The following SAXO1 variants were observed in gnomAD, a reference collection of about 807,000 sequenced individuals.
SAXO1 encodes 4930500O09Rik.
SAXO1 carries 21 observed loss-of-function variants against 17.5 expected under a neutral mutation model. The observed-to-expected ratio is 1.20, with a 90% confidence interval of 0.85 to 1.72. The LOEUF is 1.72. SAXO1 is among the 40% of genes most tolerant of loss of function. The pLI is 0.00. For missense variants in SAXO1, 843 were observed against 596.0 expected, an observed-to-expected ratio of 1.41 and a Z score of -4.32; for synonymous variants, 274 against 216.5, an observed-to-expected ratio of 1.27 and a Z score of -2.33.
intron 1 of SAXO1, among the ~76,000 whole-genome samples, chr9:18,966,999 C>T (rs1832745413): frequency 6.6e-6 from 1 of 152,190 alleles, no homozygotes; most frequent in South Asian, 2.1e-4. Context: ...AATAGTCAAG[C>T]CCCTCTTCTG....
At chr9:19,043,882 C>T (rs535044701) in intron 1 of SAXO1, among the ~76,000 whole-genome samples, 3 of 152,262 alleles carry the variant, frequency 2.0e-5, no homozygotes, top group East Asian at 3.9e-4. Context: ...CAGTGACTCA[C>T]GCCTATAATC....
rs1835820602 is a variant in SAXO1 at position 19,032,758 on chromosome 9, G to C, written c.38+113C>G. ...AATTGTGGCTTAAAAAACGTAGCAA[G>C]TGGACGAACCCACCGTGATGCCGCC... On this transcript the variant is annotated intron_variant, in intron 1 of 3. Coordinates refer to ENST00000380534, the MANE Select transcript of SAXO1 (RefSeq NM_153707.4). 2.6e-6 allele frequency: 3 copies of C among 1,168,638 alleles called. No homozygotes were observed. In the African/African-American group the frequency reaches 4.6e-5, roughly 18 times the overall value. 72.4% of individuals were successfully genotyped at this position (1,168,638 alleles called of 1,614,324 possible). A position where few individuals can be genotyped will look rare whatever the true frequency, so the allele number is the denominator to read the frequency against.
intron 1 of SAXO1, among the ~76,000 whole-genome samples, chr9:19,025,774 T>C (rs1414411780): frequency 6.6e-6 from 1 of 152,216 alleles, no homozygotes; most frequent in Non-Finnish European, 1.5e-5. Flanking sequence ...ATCCCTTCAT[T>C]AACAATTTTT....
chr9:18,948,253 C>T (rs1046010050), intron 2 of SAXO1, among the ~76,000 whole-genome samples: 1 of 152,150 alleles, frequency 6.6e-6, no homozygotes, highest in Non-Finnish European at 1.5e-5. Context: ...TCATGGCAGG[C>T]ACAGGGTTGA....
chr9:18,963,317 G>A (rs1409047369), intron 1 of SAXO1, among the ~76,000 whole-genome samples: 2 of 152,156 alleles, frequency 1.3e-5, no homozygotes, highest in Non-Finnish European at 2.9e-5. Context: ...GAAATTTAAA[G>A]TCGTTTTTTC....
At chr9:19,000,431 G>C (rs1439428296) in intron 1 of SAXO1, among the ~76,000 whole-genome samples, 2 of 152,034 alleles carry the variant, frequency 1.3e-5, no homozygotes, top group East Asian at 3.9e-4. Flanking sequence ...GGGAAGTGAG[G>C]AATGCCTCTG....
At chr9:19,046,576 C>T (rs1158795145) in intron 1 of SAXO1, among the ~76,000 whole-genome samples, 1 of 152,122 alleles carries the variant, frequency 6.6e-6, no homozygotes, top group Non-Finnish European at 1.5e-5. Flanking sequence ...GTGGCACATG[C>T]CTGCAATCCC....
Position 18,951,351 on chromosome 9 carries a change from G to C in SAXO1, c.39-414C>G, listed in dbSNP as rs901160251. On this transcript the variant is annotated intron_variant, in intron 1 of 3. Transcript: ENST00000380534. ...TACTGACCTAACAGGGTGCTCCAAG[G>C]CTCTCCAATAGGGCCAGCCAGTGTC... is the stretch of plus-strand genomic sequence containing the variant. Among the ~76,000 whole-genome samples, 27 of 152,136 alleles carry C rather than the reference G, an allele frequency of 1.8e-4. 1 individual carries two copies. The highest frequency in any genetic ancestry group is 8.8e-5 in the Non-Finnish European group (6 of 68,020).
At chr9:18,982,121 A>G (rs1378752521) in intron 1 of SAXO1, among the ~76,000 whole-genome samples, 2 of 152,198 alleles carry the variant, frequency 1.3e-5, no homozygotes, top group Non-Finnish European at 2.9e-5. Context: ...GGTGACCTGC[A>G]GGATAGGAAC....
intron 1 of SAXO1, among the ~76,000 whole-genome samples, chr9:18,982,149 A>C (rs1483476524): frequency 1.3e-5 from 2 of 152,200 alleles, no homozygotes; most frequent in Non-Finnish European, 2.9e-5. Context: ...CCCTCCACCC[A>C]GCTCAGCCAA....
intron 1 of SAXO1, among the ~76,000 whole-genome samples, chr9:19,008,533 GGA>G (rs933869331): frequency 6.6e-6 from 1 of 152,146 alleles, no homozygotes; most frequent in African/African-American, 2.4e-5. Context: ...GAACAGGGGA[GGA>G]GAGAGGCTTG....
At chr9:18,958,861 C>T (rs59351080) in intron 1 of SAXO1, among the ~76,000 whole-genome samples, 1 of 151,358 alleles carries the variant, frequency 6.6e-6, no homozygotes, top group African/African-American at 2.4e-5. Flanking sequence ...TGAAGTTGCT[C>T]GAAGAGAAGA....
At chr9:19,047,899 G>A (rs78682917) in intron 1 of SAXO1, among the ~76,000 whole-genome samples, 18 of 152,102 alleles carry the variant, frequency 1.2e-4, no homozygotes, top group African/African-American at 4.3e-4. Flanking sequence ...TCGAAAGAAC[G>A]GGGAAGGGAA....
chr9:18,993,106 A>T (rs1055394927), intron 1 of SAXO1, among the ~76,000 whole-genome samples: 1 of 145,830 alleles, frequency 6.9e-6, no homozygotes, highest in African/African-American at 2.5e-5. Context: ...AGCCAGAACA[A>T]TTTTTTTTTT....
Position 19,032,881 on chromosome 9 carries a change from A to G in SAXO1, c.28T>C (p.Cys10Arg), listed in dbSNP as rs1269486216. ...GCGTGGCCACCTTACCCGCAGGAGCACAGTTCACAGATGCACTTCGTCTTC... is the reference window on the plus strand; with the variant it reads ...GCGTGGCCACCTTACCCGCAGGAGCGCAGTTCACAGATGCACTTCGTCTTC... MKTKCICELCSCGRHHCPHL... is the reference protein window; with the variant it reads MKTKCICELRSCGRHHCPHL... The change falls in exon 1 of 4, where the codon TGC becomes CGC. Residue 10 changes from cysteine (C) to arginine (R), a missense_variant. Transcript: ENST00000380534. The G allele has an allele frequency of 6.2e-7, 1 of 1,610,802 alleles. No individual in the cohort carries two copies. Among genetic ancestry groups the G allele is most frequent in the South Asian group, 1.1e-5 (1 of 90,896 alleles).
chr9:19,015,436 C>T (rs965515221), intron 1 of SAXO1, among the ~76,000 whole-genome samples: 1 of 152,136 alleles, frequency 6.6e-6, no homozygotes, highest in Non-Finnish European at 1.5e-5. Context: ...CTCCGCCTCC[C>T]GGATTCAAGT....
At position 18,990,710 on chromosome 9, in the gene SAXO1, T is replaced by C. The variant is rs183268860; in HGVS notation, c.39-39773A>G. On this transcript the variant is annotated intron_variant, in intron 1 of 3. Transcript: ENST00000380534. ...TTACAGCCACTCCCCATTGCTCACA[T>C]TACCACCTGAGCTCTGCCTCTTGTC... 3.3e-4 allele frequency among the ~76,000 whole-genome samples: 50 copies of C among 152,292 alleles called. 2 individuals are homozygous for C. The highest frequency in any genetic ancestry group is 3.4e-3 in the Middle Eastern group (1 of 294).
chr9:18,960,479 T>C (rs908615866), intron 1 of SAXO1, among the ~76,000 whole-genome samples: 1 of 152,052 alleles, frequency 6.6e-6, no homozygotes, highest in African/African-American at 2.4e-5. Flanking sequence ...CTGGACCCCC[T>C]GTCAGGTCCA....
intron 1 of SAXO1, among the ~76,000 whole-genome samples, chr9:18,996,758 C>T (rs1834020537): frequency 6.6e-6 from 1 of 152,010 alleles, no homozygotes; most frequent in Non-Finnish European, 1.5e-5. Context: ...AAACTGAAAA[C>T]TTTTTCCCTA....
Sources: allele counts gnomAD v4.1 joint callset (sites outside exome capture counted in the v4.1 genomes callset), GRCh38; gene constraint gnomAD v4.1.1; transcripts MANE v1.5; gene names NCBI Gene and HGNC (gene_info 2026-07-23, HGNC 2026-07-21).